Variants in MACROD2 observed in about 807,000 individuals in gnomAD.
The protein encoded by MACROD2 is mono-ADP ribosylhydrolase 2, also known as ADP-ribose glycohydrolase MACROD2.
In MACROD2, 36 loss-of-function variants were observed where a neutral mutation model predicts 70.4. The observed-to-expected ratio is 0.51, with a 90% confidence interval of 0.39 to 0.68. MACROD2 has a LOEUF of 0.68. MACROD2 is among the 30% of genes least tolerant of loss of function. The pLI is 0.00. For missense variants in MACROD2, 496 were observed against 538.4 expected, an observed-to-expected ratio of 0.92 and a Z score of 0.78; for synonymous variants, 172 against 178.8, an observed-to-expected ratio of 0.96 and a Z score of 0.30.
At chr20:14,496,417 G>C (rs1378341079) in intron 4 of MACROD2, among the ~76,000 whole-genome samples, 3 of 152,118 alleles carry the variant, frequency 2.0e-5, no homozygotes, top group Non-Finnish European at 4.4e-5. Context: ...AATTGTATTA[G>C]CCATAAAATC....
intron 2 of MACROD2, among the ~76,000 whole-genome samples, chr20:14,060,411 G>T (rs2053678586): frequency 6.6e-6 from 1 of 152,084 alleles, no homozygotes; most frequent in South Asian, 2.1e-4. Context: ...TTAGCTTTGA[G>T]GAACATGTTA....
intron 3 of MACROD2, among the ~76,000 whole-genome samples, chr20:14,191,688 A>G (rs1398260193): frequency 6.6e-6 from 1 of 152,234 alleles, no homozygotes; most frequent in Non-Finnish European, 1.5e-5. Flanking sequence ...GGGACCTGGA[A>G]GAGCCAGGGA....
chr20:15,536,353 A>G (rs1454413404), intron 8 of MACROD2, among the ~76,000 whole-genome samples: 1 of 152,200 alleles, frequency 6.6e-6, no homozygotes, highest in Non-Finnish European at 1.5e-5. Context: ...GCCTGCAATC[A>G]TTCCTCAACT....
chr20:14,488,246 A>C, intron 3 of MACROD2, among the ~76,000 whole-genome samples: 1 of 152,172 alleles, frequency 6.6e-6, no homozygotes, highest in East Asian at 1.9e-4. Flanking sequence ...ATTTCAACTA[A>C]TTTTTTCCCT....
At chr20:14,162,581 C>G (rs991077862) in intron 3 of MACROD2, among the ~76,000 whole-genome samples, 1 of 152,070 alleles carries the variant, frequency 6.6e-6, no homozygotes, top group Admixed American at 6.5e-5. Flanking sequence ...TTGTTATATT[C>G]TCTTGTGGAA....
At chr20:14,784,390 T>G (rs2072338516) in intron 5 of MACROD2, among the ~76,000 whole-genome samples, 1 of 152,146 alleles carries the variant, frequency 6.6e-6, no homozygotes, top group African/African-American at 2.4e-5. Context: ...CCAAGCTCAC[T>G]TTCTCTAAGA....
intron 5 of MACROD2, among the ~76,000 whole-genome samples, chr20:15,152,635 G>A (rs574659316): frequency 2.1e-4 from 21 of 102,096 alleles, no homozygotes; most frequent in Admixed American, 1.7e-3. Context: ...AAGCGGAGAA[G>A]GGGTAGAGAC....
At chr20:15,416,573 T>C (rs2046152456) in intron 6 of MACROD2, among the ~76,000 whole-genome samples, 1 of 152,182 alleles carries the variant, frequency 6.6e-6, no homozygotes, top group African/African-American at 2.4e-5. Flanking sequence ...ATAAATATGA[T>C]ATGGAGTCAG....
Position 15,358,757 on chromosome 20 carries a change from A to G in MACROD2, c.541-72648A>G, listed in dbSNP as rs1318238006. 4.6e-5 allele frequency among the ~76,000 whole-genome samples: 7 copies of G among 152,088 alleles called. No individual in the cohort carries two copies. The East Asian group carries it at 1.2e-3, about 25-fold the overall frequency. On this transcript the variant is annotated intron_variant, in intron 6 of 17. Transcript: ENST00000684519. ...TTTAGTTCTTGGTACTGGCCTGCAG[A>G]CGGTTGACTTCTCCCTGTGCCCTCC...
At chr20:15,233,962 T>TA (rs1261941281) in intron 6 of MACROD2, among the ~76,000 whole-genome samples, 2 of 74,746 alleles carry the variant, frequency 2.7e-5, no homozygotes, top group Non-Finnish European at 5.4e-5. Context: ...ATCCAAAAAA[T>TA]TTATTTTTAT....
chr20:15,587,918 G>C (rs1600635999), intron 8 of MACROD2, among the ~76,000 whole-genome samples: 1 of 152,168 alleles, frequency 6.6e-6, no homozygotes, highest in East Asian at 1.9e-4. Flanking sequence ...ACCATTCTGG[G>C]GTCTGGAGGA....
At chr20:14,810,205 A>G (rs556748957) in intron 5 of MACROD2, among the ~76,000 whole-genome samples, 1 of 152,274 alleles carries the variant, frequency 6.6e-6, no homozygotes, top group Admixed American at 6.5e-5. Context: ...ATACTGGCAA[A>G]CCAAATCCAA....
At chr20:15,977,125 T>C in intron 13 of MACROD2, among the ~76,000 whole-genome samples, 1 of 152,186 alleles carries the variant, frequency 6.6e-6, no homozygotes, top group East Asian at 1.9e-4. Context: ...TTTCCCTTCA[T>C]GATATAGACG....
chr20:15,957,594 A>G (rs1328527083), intron 12 of MACROD2, among the ~76,000 whole-genome samples: 1 of 152,150 alleles, frequency 6.6e-6, no homozygotes, highest in Admixed American at 6.5e-5. Flanking sequence ...AATCTTTAGC[A>G]ACTAGTTATT....
chr20:14,622,109 T>G (rs1983863473), intron 4 of MACROD2, among the ~76,000 whole-genome samples: 1 of 152,138 alleles, frequency 6.6e-6, no homozygotes, highest in African/African-American at 2.4e-5. Flanking sequence ...ATTTAACATT[T>G]TAATCATTTT....
intron 6 of MACROD2, among the ~76,000 whole-genome samples, chr20:15,360,559 A>C (rs2078340400): frequency 6.6e-6 from 1 of 152,108 alleles, no homozygotes; most frequent in African/African-American, 2.4e-5. Context: ...TACAATTAAA[A>C]GTTTATCTTA....
chr20:15,434,026 T>G (rs1216254780), intron 7 of MACROD2, among the ~76,000 whole-genome samples: 1 of 151,948 alleles, frequency 6.6e-6, no homozygotes, highest in Admixed American at 6.6e-5. Context: ...ATTTCTCACC[T>G]CACACAAAAA....
At chr20:14,588,757 T>G (rs1450439838) in intron 4 of MACROD2, among the ~76,000 whole-genome samples, 1 of 152,146 alleles carries the variant, frequency 6.6e-6, no homozygotes, top group Non-Finnish European at 1.5e-5. Context: ...CCACCACTCC[T>G]GGCCAAGGCT....
intron 5 of MACROD2, among the ~76,000 whole-genome samples, chr20:15,146,278 C>T (rs914276882): frequency 6.6e-6 from 1 of 152,074 alleles, no homozygotes; most frequent in African/African-American, 2.4e-5. Context: ...TTCTAGAAAT[C>T]TTGGTAATTA....
Sources: allele counts gnomAD v4.1 joint callset (sites outside exome capture counted in the v4.1 genomes callset), GRCh38; gene constraint gnomAD v4.1.1; transcripts MANE v1.5; gene names NCBI Gene and HGNC (gene_info 2026-07-23, HGNC 2026-07-21).